Variants in TRABD2B observed in about 807,000 individuals in gnomAD.
The protein encoded by TRABD2B is TraB domain containing 2B.
TRABD2B carries 14 observed loss-of-function variants against 40.1 expected under a neutral mutation model. The ratio of observed to expected loss-of-function variants is 0.35; its 90% CI spans 0.23 to 0.55. TRABD2B has a LOEUF of 0.55. Ranked by LOEUF, TRABD2B falls within the 20% of genes least tolerant of loss-of-function variation. The probability of loss-of-function intolerance (pLI) is 0.90; values close to 1 mark genes in which losing one functional copy is unlikely to be tolerated. For synonymous variants in TRABD2B, 263 were observed against 277.0 expected, an observed-to-expected ratio of 0.95 and a Z score of 0.50; for missense variants, 541 against 648.6, an observed-to-expected ratio of 0.83 and a Z score of 1.80.
intron 6 of TRABD2B, among the ~76,000 whole-genome samples, chr1:47,766,335 C>T (rs979176142): frequency 1.3e-5 from 2 of 152,142 alleles, no homozygotes; most frequent in South Asian, 2.1e-4. Context: ...TGGGCCAGGC[C>T]CTGGCAGCCA....
chr1:47,916,753 C>G (rs757405894), intron 2 of TRABD2B, among the ~76,000 whole-genome samples: 6 of 152,174 alleles, frequency 3.9e-5, no homozygotes, highest in African/African-American at 1.4e-4. Context: ...CCTCTTCTAA[C>G]GCCTTCCCAC....
intron 2 of TRABD2B, among the ~76,000 whole-genome samples, chr1:47,922,862 T>A (rs139711702): frequency 6.6e-5 from 10 of 152,318 alleles, no homozygotes; most frequent in African/African-American, 2.2e-4. Flanking sequence ...AGAACAAATC[T>A]TCTCATGGGA....
rs1320186770 is a variant in TRABD2B, at chr1:47,960,975, C to T, written c.666+33059G>A. Among the ~76,000 whole-genome samples the T allele has an allele frequency of 6.6e-5, 10 of 152,222 alleles. No individual in the cohort carries two copies. The East Asian group carries it at 1.7e-3, about 26-fold the overall frequency. ...GACTTCAAACTATACTACAAGGCTA[C>T]AGTAACCAAAACAGCATGGTACTGG... On this transcript the variant is annotated intron_variant, in intron 2 of 6. Transcript: ENST00000606738.
chr1:47,958,571 A>C (rs1645460720), intron 2 of TRABD2B, among the ~76,000 whole-genome samples: 1 of 148,276 alleles, frequency 6.7e-6, no homozygotes, highest in Admixed American at 6.8e-5. Flanking sequence ...CTAGTGTCTG[A>C]TAAAACAGAC....
rs546003229 is a variant in TRABD2B, at chr1:47,948,658, TTTA to T, written c.666+45373_666+45375del. 2.6e-4 allele frequency among the ~76,000 whole-genome samples: 39 copies of T among 152,336 alleles called. No individual in the cohort carries two copies. In the South Asian group the frequency reaches 7.0e-3, roughly 28 times the overall value. On this transcript the variant is annotated intron_variant, in intron 2 of 6. Transcript: ENST00000606738. ...CCCAAATTCTTTTCTTTGCACTTGG[TTTA>T]TTGAGAAGAATACAAAATTCTTACC...
At chr1:47,915,174 C>T (rs1040338077) in intron 2 of TRABD2B, among the ~76,000 whole-genome samples, 2 of 152,108 alleles carry the variant, frequency 1.3e-5, no homozygotes, top group African/African-American at 2.4e-5. Flanking sequence ...GAGATTAGGT[C>T]GAGGCATTCT....
intron 2 of TRABD2B, among the ~76,000 whole-genome samples, chr1:47,826,388 T>C (rs1403004696): frequency 1.3e-5 from 2 of 152,158 alleles, no homozygotes; most frequent in African/African-American, 4.8e-5. Flanking sequence ...TCATATATCA[T>C]TACACATGTG....
chr1:47,766,085 C>T lies in TRABD2B; in HGVS notation c.1371G>A (p.Pro457=), dbSNP rs542504466. The change falls in exon 7 of 7, where the codon CCG becomes CCA. Residue 457 remains proline, a synonymous_variant. Transcript: ENST00000606738. ...AGCTGTGGGTGGGCTGCAGGGGCAG[C>T]GGGGGTGGTGAGGCGGTGGTGCTGG... ...IEDSTTASPP[P]LPLQPTHSSG... 74 of 700,394 alleles carry T rather than the reference C, an allele frequency of 1.1e-4. 1 individual carries two copies. In the Middle Eastern group the frequency reaches 1.2e-3, roughly 11 times the overall value. The allele number at this position is 700,394 out of a possible 1,614,324, so 43.4% of individuals were successfully genotyped here. A position where few individuals can be genotyped will look rare whatever the true frequency, so the allele number is the denominator to read the frequency against.
intron 2 of TRABD2B, among the ~76,000 whole-genome samples, chr1:47,890,731 T>C (rs1355313166): frequency 6.6e-6 from 1 of 152,188 alleles, no homozygotes; most frequent in Non-Finnish European, 1.5e-5. Flanking sequence ...TTTTCCTCCA[T>C]TGTCCCTTTA....
chr1:47,777,404 G>A (rs1464421041), intron 5 of TRABD2B, among the ~76,000 whole-genome samples: 1 of 152,178 alleles, frequency 6.6e-6, no homozygotes, highest in Admixed American at 6.5e-5. Flanking sequence ...GTGGGAGACT[G>A]GGATGAAGTC....
At chr1:47,929,262 C>G (rs953621953) in intron 2 of TRABD2B, among the ~76,000 whole-genome samples, 1 of 152,152 alleles carries the variant, frequency 6.6e-6, no homozygotes, top group African/African-American at 2.4e-5. Context: ...AGAGAGAGAG[C>G]CTCCTTAAAT....
chr1:47,802,180 C>G, intron 2 of TRABD2B, among the ~76,000 whole-genome samples: 1 of 152,324 alleles, frequency 6.6e-6, no homozygotes, highest in Admixed American at 6.5e-5. Flanking sequence ...CCTCTGTCCT[C>G]GGGGCCACCG....
intron 2 of TRABD2B, among the ~76,000 whole-genome samples, chr1:47,913,732 A>G (rs1382469205): frequency 1.3e-5 from 2 of 152,188 alleles, no homozygotes; most frequent in African/African-American, 2.4e-5. Flanking sequence ...TGGCTCCAAG[A>G]GAAGAGCAGC....
chr1:47,909,014 G>A (rs955907922), intron 2 of TRABD2B, among the ~76,000 whole-genome samples: 3 of 152,258 alleles, frequency 2.0e-5, no homozygotes, highest in African/African-American at 4.8e-5. Context: ...CTTCTGCTGA[G>A]CTCCTGCTGC....
intron 2 of TRABD2B, among the ~76,000 whole-genome samples, chr1:47,849,272 G>T (rs951279490): frequency 3.3e-5 from 5 of 152,168 alleles, no homozygotes; most frequent in Admixed American, 6.5e-5. Context: ...AAAAAGAGGT[G>T]GATTGGGAAA....
intron 2 of TRABD2B, among the ~76,000 whole-genome samples, chr1:47,913,220 C>T (rs1644786096): frequency 6.6e-6 from 1 of 152,170 alleles, no homozygotes; most frequent in Admixed American, 6.5e-5. Context: ...CTCCCAGGTT[C>T]ACTCTCACCA....
chr1:47,895,399 T>C (rs1644503797), intron 2 of TRABD2B, among the ~76,000 whole-genome samples: 1 of 152,190 alleles, frequency 6.6e-6, no homozygotes, highest in Non-Finnish European at 1.5e-5. Flanking sequence ...CACTTCCAAG[T>C]TCAACAACCT....
At chr1:47,952,831 C>T (rs190378871) in intron 2 of TRABD2B, among the ~76,000 whole-genome samples, 169 of 152,334 alleles carry the variant, frequency 1.1e-3, no homozygotes, top group African/African-American at 3.9e-3. Flanking sequence ...TCCCACATGA[C>T]CTGTCTCCTG....
chr1:47,916,839 T>C (rs1644836414), intron 2 of TRABD2B, among the ~76,000 whole-genome samples: 1 of 152,318 alleles, frequency 6.6e-6, no homozygotes, highest in Middle Eastern at 3.4e-3. Context: ...CCCATTCTGT[T>C]TCACACCCTC....
Sources: gnomAD v4.1 joint callset for allele counts (sites outside exome capture counted in the v4.1 genomes callset) on GRCh38, gnomAD v4.1.1 for gene constraint, MANE v1.5 for transcripts, NCBI Gene and HGNC (gene_info 2026-07-23, HGNC 2026-07-21) for gene names.